Variants in DCHS2 observed in about 807,000 individuals in gnomAD.
DCHS2 encodes the protein dachsous cadherin-related 2, also known as protocadherin-23.
In DCHS2, 142 loss-of-function variants were observed where a neutral mutation model predicts 182.4. The observed-to-expected ratio is 0.78, with a 90% confidence interval of 0.68 to 0.89. The LOEUF (loss-of-function observed/expected upper bound fraction) is 0.89, where lower values mean the gene tolerates loss of function less well. Among genes scored for constraint, DCHS2 ranks in the 40% least tolerant of loss-of-function variants. The probability of loss-of-function intolerance (pLI) is 0.00; values close to 1 mark genes in which losing one functional copy is unlikely to be tolerated. For missense variants in DCHS2, 4,319 were observed against 4,198.6 expected (o/e 1.03, Z -0.79); for synonymous variants, 1,740 against 1,663.3 (o/e 1.05, Z -1.12).
In DCHS2 at chr4:154,255,594, GCTT is replaced by G. The variant is rs1732622068; in HGVS notation, c.6863_6865del (p.Glu2288del). Reference sequence around the variant, plus strand: ...ACCACTCAGTGCATCAATCTGGAATGCTTCTTCTTGGTTGCCAGACAGAATAGA... The same window carrying G: ...ACCACTCAGTGCATCAATCTGGAATGCTTCTTGGTTGCCAGACAGAATAGA... On this transcript the variant is annotated inframe_deletion, in exon 16 of 20. Coordinates refer to ENST00000357232, the MANE Select transcript of DCHS2 (RefSeq NM_001358235.2). 1.9e-6 allele frequency: 3 copies of G among 1,614,002 alleles called. No individual in the cohort carries two copies. Among genetic ancestry groups the G allele is most frequent in the Non-Finnish European group, 2.5e-6 (3 of 1,179,956 alleles).
chr4:154,289,501 C>G (rs995043095), intron 13 of DCHS2, among the ~76,000 whole-genome samples: 5 of 151,912 alleles, frequency 3.3e-5, no homozygotes, highest in Non-Finnish European at 7.4e-5. Flanking sequence ...TGAATTTTAC[C>G]AAACATTTAC....
chr4:154,384,771 C>A (rs1308892425), intron 1 of DCHS2, among the ~76,000 whole-genome samples: 1 of 152,048 alleles, frequency 6.6e-6, no homozygotes, highest in Non-Finnish European at 1.5e-5. Flanking sequence ...GGAACACCGA[C>A]AGCCACCAGA....
chr4:154,426,926 T>C (rs537584104), intron 1 of DCHS2, among the ~76,000 whole-genome samples: 2 of 152,304 alleles, frequency 1.3e-5, no homozygotes, highest in East Asian at 3.9e-4. Context: ...AACTATCTCA[T>C]GTGCCCCATA....
rs1488088012 is a variant in DCHS2, at chr4:154,298,425, G to A, written c.5889C>T (p.Gly1963=). 1.2e-6 allele frequency: 2 copies of A among 1,614,114 alleles called. No individual in the cohort carries two copies. The highest frequency in any genetic ancestry group is 8.5e-7 in the Non-Finnish European group (1 of 1,179,996). Reference sequence around the variant, plus strand: ...GAAAATACTCAGTTTGCCCATTCAGGCCTTCATCCTTGTCCACAGCTGAAA... The same window carrying A: ...GAAAATACTCAGTTTGCCCATTCAGACCTTCATCCTTGTCCACAGCTGAAA... The part of the protein sequence containing the change: ...LVLSAVDKDE[G]LNGQTEYFLT... The change falls in exon 13 of 20, where the codon GGC becomes GGT. Residue 1963 remains glycine, a synonymous_variant. Transcript: ENST00000357232.
rs1434775743 is a variant in DCHS2 at position 154,298,027 on chromosome 4, T to A, written c.6287A>T (p.Gln2096Leu). The change falls in exon 13 of 20, where the codon CAG becomes CTG. Residue 2096 changes from glutamine to leucine, a missense_variant. Physicochemically the swap from Gln to Leu is moderately radical, Grantham distance 113. Transcript: ENST00000357232. The stretch of plus-strand genomic sequence containing the variant: ...GAAGTATTCTGAAGATGGATTTTGC[T>A]GAAATTGAATTTCTCCTGTGTATTT... ...IDKYTGEIQF[Q>L]QNPSSEYFPI... The A allele has an allele frequency of 6.2e-7, 1 of 1,614,146 alleles. No homozygotes were observed. Among genetic ancestry groups the A allele is most frequent in the Admixed American group, 1.7e-5 (1 of 60,016 alleles).
At chr4:154,410,524 G>A (rs1477792763) in intron 1 of DCHS2, among the ~76,000 whole-genome samples, 2 of 132,566 alleles carry the variant, frequency 1.5e-5, no homozygotes, top group East Asian at 2.2e-4. Flanking sequence ...AGCTGGGCAC[G>A]GTGGCTCACA....
chr4:154,485,105 T>TC (rs1444419515), intron 1 of DCHS2, among the ~76,000 whole-genome samples: 1 of 41,820 alleles, frequency 2.4e-5, no homozygotes, highest in East Asian at 9.1e-3. Context: ...GTTATGAGCT[T>TC]TTTTTTTTAA....
chr4:154,357,374 G>T, intron 3 of DCHS2: 3 of 1,197,858 alleles, frequency 2.5e-6, no homozygotes, highest in South Asian at 1.2e-5. Context: ...AAAGCAAAAA[G>T]AAAAAGCAGG....
At chr4:154,255,369 A>T in intron 16 of DCHS2, 150 bp downstream of exon 16, 2 of 1,132,350 alleles carry the variant, frequency 1.8e-6, no homozygotes, top group Non-Finnish European at 2.3e-6. Flanking sequence ...TATCAAAAAG[A>T]GTAGATCAAA....
chr4:154,240,882 C>G, intron 17 of DCHS2, 59 bp from the exon 18 acceptor site: 2 of 1,577,224 alleles, frequency 1.3e-6, no homozygotes, highest in South Asian at 1.2e-5. Flanking sequence ...AAATACATTT[C>G]TTTAGTAGTT....
intron 1 of DCHS2, among the ~76,000 whole-genome samples, chr4:154,460,937 C>T (rs1354345505): frequency 6.6e-6 from 1 of 152,108 alleles, no homozygotes; most frequent in Non-Finnish European, 1.5e-5. Flanking sequence ...AACTGAAAGA[C>T]ATAATTGAAT....
chr4:154,307,445 A>ATG (rs1735489112), intron 10 of DCHS2, among the ~76,000 whole-genome samples: 1 of 118,616 alleles, frequency 8.4e-6, no homozygotes, highest in African/African-American at 2.6e-5. Context: ...GCGCGCGCAC[A>ATG]CACACACACA....
intron 2 of DCHS2, among the ~76,000 whole-genome samples, 184 bp from the exon 3 acceptor site, chr4:154,366,625 AAG>A (rs1730378766): frequency 6.6e-6 from 1 of 152,122 alleles, no homozygotes; most frequent in South Asian, 2.1e-4. Context: ...GTCATTTCAA[AAG>A]AGTGTGTATA....
At chr4:154,448,943 T>A (rs144401444) in intron 1 of DCHS2, among the ~76,000 whole-genome samples, 1 of 152,332 alleles carries the variant, frequency 6.6e-6, no homozygotes, top group East Asian at 1.9e-4. Flanking sequence ...AACTTCCATC[T>A]GTGTGATTGT....
intron 4 of DCHS2, chr4:154,334,523 C>T: frequency 4.7e-6 from 1 of 213,962 alleles, no homozygotes; most frequent in Non-Finnish European, 9.4e-6. Flanking sequence ...AGCTCTATAA[C>T]AACAAATATA....
intron 13 of DCHS2, among the ~76,000 whole-genome samples, chr4:154,296,729 T>C (rs560965254): frequency 3.2e-4 from 48 of 152,292 alleles, no homozygotes; most frequent in South Asian, 8.3e-4. Context: ...TTTGGAGTGA[T>C]GAAAATGTAT....
intron 1 of DCHS2, among the ~76,000 whole-genome samples, chr4:154,488,865 CTGTT>C (rs1044140468): frequency 1.3e-5 from 2 of 151,592 alleles, no homozygotes; most frequent in South Asian, 2.1e-4. Flanking sequence ...GAGTGACACT[CTGTT>C]TGACAAAAAT....
intron 13 of DCHS2, among the ~76,000 whole-genome samples, chr4:154,283,080 T>A (rs1012143582): frequency 6.6e-6 from 1 of 152,130 alleles, no homozygotes; most frequent in Admixed American, 6.6e-5. Flanking sequence ...ATGAAAAATA[T>A]CTAGAGATCT....
At chr4:154,373,040 C>T (rs768245338) in intron 2 of DCHS2, among the ~76,000 whole-genome samples, 4 of 152,102 alleles carry the variant, frequency 2.6e-5, no homozygotes, top group African/African-American at 7.2e-5. Context: ...GAGGAAAAAC[C>T]AGAGATTGTC....
Sources: allele counts gnomAD v4.1 joint callset (sites outside exome capture counted in the v4.1 genomes callset), GRCh38; gene constraint gnomAD v4.1.1; transcripts MANE v1.5; gene names NCBI Gene and HGNC (gene_info 2026-07-23, HGNC 2026-07-21).